ATP8B4: variants seen among roughly 807,000 people sequenced by gnomAD.
ATP8B4 encodes the protein probable phospholipid-transporting ATPase IM.
A neutral mutation model predicts 145.6 loss-of-function variants in ATP8B4; 133 were observed. The observed-to-expected ratio is 0.91, with a 90% CI of 0.79 to 1.05. The LOEUF is 1.05. Among genes scored for constraint, ATP8B4 ranks in the 50% least tolerant of loss-of-function variants. ATP8B4 has a pLI of 0.00. For missense variants in ATP8B4, 1,458 were observed against 1,425.2 expected, an observed-to-expected ratio of 1.02 and a Z score of -0.37; for synonymous variants, 507 against 492.9, an observed-to-expected ratio of 1.03 and a Z score of -0.38.
At chr15:50,138,407 G>C (rs555644463) in intron 1 of ATP8B4, among the ~76,000 whole-genome samples, 2 of 67,608 alleles carry the variant, frequency 3.0e-5, no homozygotes, top group Non-Finnish European at 5.2e-5. Flanking sequence ...CAGACAGAGA[G>C]ATGATAGATA....
intron 20 of ATP8B4, among the ~76,000 whole-genome samples, chr15:49,902,691 G>A (rs555862368): frequency 4.6e-5 from 7 of 152,260 alleles, no homozygotes; most frequent in Admixed American, 3.9e-4. Flanking sequence ...GTAAGTGAGA[G>A]GATCAGACTT....
At chr15:49,906,804 C>T (rs1018710639) in intron 20 of ATP8B4, among the ~76,000 whole-genome samples, 1 of 152,130 alleles carries the variant, frequency 6.6e-6, no homozygotes, top group Non-Finnish European at 1.5e-5. Context: ...TCCTTCATTT[C>T]CCATCCCAGC....
chr15:50,149,240 T>C (rs1334134441), intron 1 of ATP8B4, among the ~76,000 whole-genome samples: 4 of 152,222 alleles, frequency 2.6e-5, no homozygotes, highest in African/African-American at 9.6e-5. Flanking sequence ...AGTATGTCCC[T>C]GTATATTATC....
intron 2 of ATP8B4, among the ~76,000 whole-genome samples, chr15:50,102,587 T>C (rs1289004322): frequency 3.3e-5 from 5 of 151,956 alleles, no homozygotes; most frequent in Admixed American, 2.0e-4. Flanking sequence ...AACAGTGAGA[T>C]TGAAATGGTA....
intron 1 of ATP8B4, among the ~76,000 whole-genome samples, chr15:50,116,824 T>C (rs1725376636): frequency 6.6e-6 from 1 of 151,906 alleles, no homozygotes; most frequent in South Asian, 2.1e-4. Flanking sequence ...AAAAGCAAGG[T>C]AGCTTTAAAG....
intron 13 of ATP8B4, among the ~76,000 whole-genome samples, chr15:49,970,689 A>C (rs2045028677): frequency 6.6e-6 from 1 of 152,248 alleles, no homozygotes; most frequent in South Asian, 2.1e-4. Context: ...GAAAATGGCC[A>C]TACTTCCCAA....
intron 1 of ATP8B4, among the ~76,000 whole-genome samples, chr15:50,175,486 G>A (rs965666337): frequency 3.9e-5 from 6 of 151,910 alleles, no homozygotes; most frequent in Non-Finnish European, 7.4e-5. Context: ...ACTAACCAAC[G>A]AATCTAATCA....
intron 3 of ATP8B4, among the ~76,000 whole-genome samples, chr15:50,058,001 AAG>A (rs143919023): frequency 6.6e-6 from 1 of 151,714 alleles, no homozygotes; most frequent in Non-Finnish European, 1.5e-5. Flanking sequence ...TACAGACAGA[AAG>A]AGAGAGAGAG....
intron 14 of ATP8B4, among the ~76,000 whole-genome samples, chr15:49,960,580 TTAACTC>T (rs1567083619): frequency 6.6e-6 from 1 of 152,112 alleles, no homozygotes; most frequent in Non-Finnish European, 1.5e-5. Context: ...ATGTAAAACA[TTAACTC>T]TATAATGATG....
At chr15:50,074,015 G>A in intron 3 of ATP8B4, 112 bp downstream of exon 3, 3 of 757,600 alleles carry the variant, frequency 4.0e-6, no homozygotes, top group Non-Finnish European at 4.4e-6. Flanking sequence ...CTGTCAAAAT[G>A]GGCCAATGAA....
At chr15:49,883,167 G>A (rs1320612849) in intron 23 of ATP8B4, 2 of 151,508 alleles carry the variant, frequency 1.3e-5, no homozygotes, top group Middle Eastern at 6.8e-3. Flanking sequence ...TTAAAGCAGA[G>A]CAGCTGACAC....
At chr15:49,999,407 A>G (rs2047704211) in intron 8 of ATP8B4, among the ~76,000 whole-genome samples, 1 of 149,688 alleles carries the variant, frequency 6.7e-6, no homozygotes, top group Non-Finnish European at 1.5e-5. Context: ...GGGCGGAGGG[A>G]TAGCTTTAGG....
chr15:50,009,617 G>C (rs531094557), intron 7 of ATP8B4: 7 of 445,416 alleles, frequency 1.6e-5, no homozygotes, highest in Non-Finnish European at 2.7e-5. Context: ...TTGATTCCAC[G>C]CACAGAGTAT....
chr15:49,954,466 G>A (rs2043380400), intron 14 of ATP8B4, among the ~76,000 whole-genome samples: 1 of 152,062 alleles, frequency 6.6e-6, no homozygotes, highest in African/African-American at 2.4e-5. Context: ...GAATTGATAA[G>A]GAACTTAAAT....
chr15:49,937,810 T>C (rs142910970), intron 14 of ATP8B4, among the ~76,000 whole-genome samples: 12 of 152,318 alleles, frequency 7.9e-5, no homozygotes, highest in African/African-American at 2.6e-4. Flanking sequence ...CATTGATTAA[T>C]ACACAATACA....
chr15:50,024,009 A>C (rs1232199675), intron 6 of ATP8B4, among the ~76,000 whole-genome samples: 2 of 152,088 alleles, frequency 1.3e-5, no homozygotes, highest in Non-Finnish European at 2.9e-5. Flanking sequence ...CTGGAAAATT[A>C]GGTTCTATTA....
At position 50,058,034 on chromosome 15, in the gene ATP8B4, C is replaced by T. The variant is rs57552801; in HGVS notation, c.88-10570G>A. ...GAGAGAGAAAAAGACCTAGCATATG[C>T]CTTCTCCAGAGAGATAAGAAGAAGG... On this transcript the variant is annotated intron_variant, in intron 3 of 27. Transcript: ENST00000284509. Among the ~76,000 whole-genome samples the T allele has an allele frequency of 2.9e-3, 440 of 152,208 alleles. 8 individuals carry two copies. Among genetic ancestry groups the T allele is most frequent in the East Asian group, 0.023 (119 of 5,174 alleles).
intron 6 of ATP8B4, among the ~76,000 whole-genome samples, chr15:50,014,451 T>A (rs1378773691): frequency 6.6e-6 from 1 of 152,150 alleles, no homozygotes; most frequent in African/African-American, 2.4e-5. Flanking sequence ...TCCAAAAACA[T>A]TTGCTGAATG....
chr15:49,954,048 G>A (rs925794290), intron 14 of ATP8B4, among the ~76,000 whole-genome samples: 4 of 151,672 alleles, frequency 2.6e-5, no homozygotes, highest in Non-Finnish European at 5.9e-5. Context: ...TTGGTTGCCG[G>A]TGAAGGATTC....
Sources: allele counts gnomAD v4.1 joint callset (sites outside exome capture counted in the v4.1 genomes callset), GRCh38; gene constraint gnomAD v4.1.1; transcripts MANE v1.5; gene names NCBI Gene and HGNC (gene_info 2026-07-23, HGNC 2026-07-21).